CILK1: variants seen among roughly 807,000 people sequenced by gnomAD.
CILK1 encodes the protein serine/threonine-protein kinase ICK.
CILK1 carries 47 observed loss-of-function variants against 79.2 expected under a neutral mutation model. The ratio of observed to expected loss-of-function variants is 0.59; its 90% CI spans 0.47 to 0.76. The LOEUF is 0.76. Ranked by LOEUF, CILK1 falls within the 30% of genes least tolerant of loss-of-function variation. CILK1 has a pLI of 0.00. For missense variants in CILK1, 660 were observed against 769.5 expected (o/e 0.86, Z 1.68); for synonymous variants, 266 against 275.9 (o/e 0.96, Z 0.36).
chr6:53,059,353 C>T (rs188427802), intron 1 of CILK1, among the ~76,000 whole-genome samples: 1 of 152,322 alleles, frequency 6.6e-6, no homozygotes, highest in Admixed American at 6.5e-5. Flanking sequence ...CACAATACCA[C>T]ATTACCATGC....
intron 1 of CILK1, among the ~76,000 whole-genome samples, chr6:53,051,342 G>T (rs990786832): frequency 2.0e-5 from 3 of 152,168 alleles, no homozygotes; most frequent in Non-Finnish European, 2.9e-5. Context: ...TTTTCACAAA[G>T]TTGGTGGCTG....
chr6:53,008,670 C>T (rs1764383730), intron 12 of CILK1, among the ~76,000 whole-genome samples: 1 of 152,082 alleles, frequency 6.6e-6, no homozygotes, highest in African/African-American at 2.4e-5. Flanking sequence ...AAGTGATTCA[C>T]CTGCCTCAGC....
At position 53,034,891 on chromosome 6, in the gene CILK1, C is replaced by T. The variant is rs560274219; in HGVS notation, c.157-2237G>A. On this transcript the variant is annotated intron_variant, in intron 3 of 13. Transcript: ENST00000676107. Reference sequence around the variant, plus strand: ...GAAGGAAGAGTGACACCTGGATGAGCTTGCTGGGAGGGAGCGGGCATGTCA... The same window carrying T: ...GAAGGAAGAGTGACACCTGGATGAGTTTGCTGGGAGGGAGCGGGCATGTCA... Among the ~76,000 whole-genome samples the T allele has an allele frequency of 8.5e-5, 13 of 152,210 alleles. No homozygotes were observed. The South Asian group carries it at 2.7e-3, about 32-fold the overall frequency.
In CILK1 at chr6:53,033,105, C is replaced by T. The variant is rs117380473; in HGVS notation, c.157-451G>A. On this transcript the variant is annotated intron_variant, in intron 3 of 13. Coordinates refer to ENST00000676107, the MANE Select transcript of CILK1 (RefSeq NM_014920.5). ...CTGAATAGGAAATTGTTCAAAACGA[C>T]GAAGGGTTGATGGCCTGCTTCTCTT... 1.9e-4 allele frequency among the ~76,000 whole-genome samples: 29 copies of T among 152,278 alleles called. No homozygotes were observed. The East Asian group carries it at 2.9e-3, about 15-fold the overall frequency.
At chr6:53,009,237 G>A (rs1764415885) in intron 12 of CILK1, among the ~76,000 whole-genome samples, 1 of 152,238 alleles carries the variant, frequency 6.6e-6, no homozygotes, top group Non-Finnish European at 1.5e-5. Context: ...TACCCTGGAA[G>A]GCAGACTCCC....
At chr6:53,021,411 T>C (rs1765237180) in intron 5 of CILK1, among the ~76,000 whole-genome samples, 1 of 152,186 alleles carries the variant, frequency 6.6e-6, no homozygotes, top group African/African-American at 2.4e-5. Context: ...GCCACTTTCT[T>C]GCAGACCTTC....
chr6:53,020,047 T>C (rs1313365856), intron 5 of CILK1, among the ~76,000 whole-genome samples: 1 of 152,306 alleles, frequency 6.6e-6, no homozygotes, highest in East Asian at 1.9e-4. Flanking sequence ...TAAGAAATAA[T>C]TTATGAATAT....
chr6:53,046,268 T>C (rs1336446536), intron 1 of CILK1, among the ~76,000 whole-genome samples: 1 of 152,240 alleles, frequency 6.6e-6, no homozygotes, highest in Non-Finnish European at 1.5e-5. Context: ...GTAACCTATA[T>C]TACAGTAGCA....
At chr6:53,037,683 T>C (rs1314409230) in intron 3 of CILK1, among the ~76,000 whole-genome samples, 1 of 152,182 alleles carries the variant, frequency 6.6e-6, no homozygotes, top group Non-Finnish European at 1.5e-5. Flanking sequence ...CAATAATAAT[T>C]CACTAAATCA....
At chr6:53,031,438 A>G (rs1765953866) in intron 4 of CILK1, among the ~76,000 whole-genome samples, 1 of 152,188 alleles carries the variant, frequency 6.6e-6, no homozygotes, top group African/African-American at 2.4e-5. Context: ...TATGCAATGC[A>G]ATGGCTAACA....
chr6:53,028,014 GCA>G (rs1453251276), intron 5 of CILK1, among the ~76,000 whole-genome samples: 3 of 152,202 alleles, frequency 2.0e-5, no homozygotes, highest in Admixed American at 6.5e-5. Context: ...GGGTGTGGTG[GCA>G]TGCGCCTGTA....
intron 1 of CILK1, among the ~76,000 whole-genome samples, chr6:53,045,468 T>G (rs1447232776): frequency 6.6e-6 from 1 of 152,218 alleles, no homozygotes; most frequent in Non-Finnish European, 1.5e-5. Flanking sequence ...CTATTCTGTT[T>G]TTCACTTTCA....
rs1764041242 is a variant in CILK1, at chr6:53,003,511, G to A, written c.*1638C>T. On this transcript the variant is annotated 3_prime_UTR_variant, in exon 14 of 14. Transcript: ENST00000676107. ...TCCCAGTACTTTGGGAGGTGGAGGA[G>A]GGTGGATCACGAGGTCAGGAGATCG... 1 of 152,162 alleles carries A rather than the reference G, an allele frequency of 6.6e-6. No homozygotes were observed. Among genetic ancestry groups the A allele is most frequent in the Admixed American group, 6.5e-5 (1 of 15,268 alleles). 9.4% of individuals were successfully genotyped at this position (152,162 alleles called of 1,614,324 possible).
At chr6:53,009,336 G>C in intron 12 of CILK1, 103 bp downstream of exon 12, 1 of 1,095,780 alleles carries the variant, frequency 9.1e-7, no homozygotes, top group South Asian at 1.2e-5. Flanking sequence ...AGATGACAAA[G>C]GCCCCTGTGC....
intron 1 of CILK1, among the ~76,000 whole-genome samples, chr6:53,055,927 T>C (rs934376398): frequency 1.3e-5 from 2 of 152,144 alleles, no homozygotes; most frequent in African/African-American, 4.8e-5. Flanking sequence ...TGTGAAACTG[T>C]AGATGAGCTA....
At chr6:53,055,713 A>T (rs1305746715) in intron 1 of CILK1, among the ~76,000 whole-genome samples, 1 of 152,198 alleles carries the variant, frequency 6.6e-6, no homozygotes, top group Non-Finnish European at 1.5e-5. Context: ...AGAAGCTTCC[A>T]TAACTCCCTG....
At chr6:53,048,047 T>C (rs1368678256) in intron 1 of CILK1, among the ~76,000 whole-genome samples, 2 of 152,122 alleles carry the variant, frequency 1.3e-5, no homozygotes, top group Non-Finnish European at 2.9e-5. Context: ...GCTGATACAC[T>C]GTGTAACTCC....
chr6:53,059,116 T>C (rs1230737864), intron 1 of CILK1, among the ~76,000 whole-genome samples: 1 of 152,158 alleles, frequency 6.6e-6, no homozygotes, highest in African/African-American at 2.4e-5. Flanking sequence ...TGTTCAGGAA[T>C]TGGACTCTGT....
At chr6:53,006,530 C>G (rs1764231084) in intron 12 of CILK1, 93 bp from the exon 13 acceptor site, 1 of 1,423,620 alleles carries the variant, frequency 7.0e-7, no homozygotes, top group Non-Finnish European at 9.8e-7. Context: ...CAATAACAAA[C>G]TAAGTTTTTA....
Sources: allele counts gnomAD v4.1 joint callset (sites outside exome capture counted in the v4.1 genomes callset), GRCh38; gene constraint gnomAD v4.1.1; transcripts MANE v1.5; gene names NCBI Gene and HGNC (gene_info 2026-07-23, HGNC 2026-07-21).